The following USH2A variants were observed in gnomAD, a reference collection of about 807,000 sequenced individuals.
USH2A encodes Usher syndrome 2A (autosomal recessive, mild).
In USH2A, 443 loss-of-function variants were observed where a neutral mutation model predicts 538.9. The ratio of observed to expected loss-of-function variants is 0.82; its 90% CI spans 0.76 to 0.89. USH2A has a LOEUF of 0.89. Ranked by LOEUF, USH2A falls within the 40% of genes least tolerant of loss-of-function variation. USH2A has a pLI of 0.00. For synonymous variants in USH2A, 2,413 were observed against 2,273.5 expected (o/e 1.06, Z -1.75); for missense variants, 6,633 against 6,324.8 (o/e 1.05, Z -1.65).
intron 4 of USH2A, among the ~76,000 whole-genome samples, chr1:216,338,867 GA>G (rs1333411556): frequency 6.6e-6 from 1 of 151,516 alleles, no homozygotes; most frequent in African/African-American, 2.4e-5. Context: ...AAAAATGTTG[GA>G]AAACAAAACA....
At chr1:216,190,511 T>C (rs1449466028) in intron 19 of USH2A, 144 bp from the exon 20 acceptor site, 3 of 1,139,422 alleles carry the variant, frequency 2.6e-6, no homozygotes, top group Non-Finnish European at 3.7e-6. Context: ...TTTTTTTTTT[T>C]TTCTGAAGAG....
At chr1:216,063,931 A>G (rs1349515444) in intron 30 of USH2A, among the ~76,000 whole-genome samples, 1 of 152,232 alleles carries the variant, frequency 6.6e-6, no homozygotes, top group Non-Finnish European at 1.5e-5. Flanking sequence ...TGTGTGCTAT[A>G]CATGCATTTA....
chr1:215,771,315 TCACGCCTGTAATCCCAGCACTTTGGG>T, intron 55 of USH2A, among the ~76,000 whole-genome samples: 1 of 151,574 alleles, frequency 6.6e-6, no homozygotes, highest in East Asian at 2.0e-4. Context: ...GCGCAGTGGC[TCACGCCTGTAATCCCAGCACTTTGGG>T]AGGCCGAGGC....
At chr1:216,325,709 T>C (rs1317796724) in intron 5 of USH2A, 110 bp from the exon 6 acceptor site, 2 of 1,084,146 alleles carry the variant, frequency 1.8e-6, no homozygotes, top group Middle Eastern at 2.3e-4. Flanking sequence ...TGAGTATCCA[T>C]TTAGTTTTAA....
intron 49 of USH2A, among the ~76,000 whole-genome samples, chr1:215,800,432 C>A (rs921559578): frequency 6.6e-6 from 1 of 152,152 alleles, no homozygotes; most frequent in Non-Finnish European, 1.5e-5. Context: ...TCTGATGGGT[C>A]TTATGGCCTT....
intron 32 of USH2A, among the ~76,000 whole-genome samples, chr1:216,026,495 T>C (rs1465347584): frequency 1.3e-5 from 2 of 152,180 alleles, no homozygotes; most frequent in African/African-American, 4.8e-5. Flanking sequence ...ACTTCTGTGA[T>C]ACAAACAGAT....
intron 32 of USH2A, among the ~76,000 whole-genome samples, chr1:216,024,688 T>TG (rs1668922905): frequency 6.6e-6 from 1 of 151,982 alleles, no homozygotes; most frequent in African/African-American, 2.4e-5. Flanking sequence ...CATAAGTATT[T>TG]GTTGGACAGC....
intron 3 of USH2A, among the ~76,000 whole-genome samples, chr1:216,411,615 G>T (rs1470275812): frequency 6.6e-6 from 1 of 152,102 alleles, no homozygotes; most frequent in Non-Finnish European, 1.5e-5. Context: ...CATGCAGTGG[G>T]TGGTGGCTAC....
chr1:216,053,324 T>C (rs894773484), intron 30 of USH2A, among the ~76,000 whole-genome samples: 3 of 152,076 alleles, frequency 2.0e-5, no homozygotes, highest in Non-Finnish European at 1.5e-5. Context: ...AAATAGAAAA[T>C]GCGGTAGTTG....
chr1:216,051,567 G>A (rs1209753580), intron 30 of USH2A, among the ~76,000 whole-genome samples: 1 of 152,150 alleles, frequency 6.6e-6, no homozygotes, highest in Non-Finnish European at 1.5e-5. Flanking sequence ...AGCCCCCAGA[G>A]AATAAGACTT....
At chr1:215,673,246 G>T (rs1657881530) in intron 63 of USH2A, among the ~76,000 whole-genome samples, 1 of 151,808 alleles carries the variant, frequency 6.6e-6, no homozygotes, top group African/African-American at 2.4e-5. Context: ...TATATCAGAG[G>T]TAATTATAGG....
At chr1:215,924,745 C>T (rs1425442248) in intron 38 of USH2A, among the ~76,000 whole-genome samples, 1 of 152,022 alleles carries the variant, frequency 6.6e-6, no homozygotes, top group Non-Finnish European at 1.5e-5. Flanking sequence ...TCCCACCCCT[C>T]TCCCCTGGTA....
At chr1:216,390,988 A>G (rs1361931323) in intron 3 of USH2A, among the ~76,000 whole-genome samples, 1 of 152,232 alleles carries the variant, frequency 6.6e-6, no homozygotes, top group Non-Finnish European at 1.5e-5. Flanking sequence ...CTGTGAATAT[A>G]TTTAAATATA....
intron 31 of USH2A, among the ~76,000 whole-genome samples, chr1:216,047,303 C>T (rs2030563965): frequency 6.6e-6 from 1 of 152,134 alleles, no homozygotes; most frequent in African/African-American, 2.4e-5. Flanking sequence ...CAGGTAAACC[C>T]TGGACAAAGG....
chr1:216,377,552 T>C (rs372590489), intron 3 of USH2A, among the ~76,000 whole-genome samples: 6 of 152,020 alleles, frequency 3.9e-5, no homozygotes, highest in African/African-American at 1.2e-4. Flanking sequence ...TCTGAAGAAC[T>C]TCATACTGGT....
At chr1:216,188,151 T>C (rs560481423) in intron 20 of USH2A, among the ~76,000 whole-genome samples, 24 of 151,160 alleles carry the variant, frequency 1.6e-4, no homozygotes, top group Non-Finnish European at 3.1e-4. Flanking sequence ...GTAACTAAAA[T>C]GAGAGCTGCA....
chr1:216,190,244 C>T lies in USH2A; in HGVS notation c.4375G>A (p.Ala1459Thr). The change falls in exon 20 of 72, where the codon GCA (alanine) becomes ACA (threonine). Residue 1459 changes from alanine to threonine, a missense_variant. Transcript: ENST00000307340. ...SVGCVTSASG[A>T]GQTLAAAPAQ... ...TTACCTGCTGCTAAAGTTTGTCCTG[C>T]TCCCGAAGCACTGGTCACACAACCA... 1 of 1,612,384 alleles carries T rather than the reference C, an allele frequency of 6.2e-7. No individual in the cohort carries two copies. The highest frequency in any genetic ancestry group is 8.5e-7 in the Non-Finnish European group (1 of 1,178,994).
At chr1:216,363,544 T>C (rs1427718720) in intron 4 of USH2A, among the ~76,000 whole-genome samples, 1 of 152,126 alleles carries the variant, frequency 6.6e-6, no homozygotes, top group African/African-American at 2.4e-5. Flanking sequence ...TATACATCTA[T>C]GTATATGATT....
At chr1:215,802,622 A>C (rs1430590692) in intron 49 of USH2A, among the ~76,000 whole-genome samples, 3 of 152,116 alleles carry the variant, frequency 2.0e-5, no homozygotes, top group African/African-American at 4.8e-5. Flanking sequence ...AAACAGTAAG[A>C]ATATGGAGAA....
Sources: allele counts gnomAD v4.1 joint callset (sites outside exome capture counted in the v4.1 genomes callset), GRCh38; gene constraint gnomAD v4.1.1; transcripts MANE v1.5; gene names NCBI Gene and HGNC (gene_info 2026-07-23, HGNC 2026-07-21).